Variants in SLIT1 observed in about 807,000 individuals in gnomAD.
SLIT1 encodes the protein slit guidance ligand 1.
SLIT1 carries 66 observed loss-of-function variants against 186.1 expected under a neutral mutation model. That is an observed-to-expected ratio of 0.35 (90% CI 0.29 to 0.44). The LOEUF (loss-of-function observed/expected upper bound fraction) is 0.44, where lower values mean the gene tolerates loss of function less well. SLIT1 is among the 20% of genes least tolerant of loss of function. The pLI, the probability that SLIT1 is intolerant of heterozygous loss-of-function variation, is 1.00. For synonymous variants in SLIT1, 761 were observed against 833.8 expected (o/e 0.91, Z 1.50); for missense variants, 1,638 against 2,037.4 (o/e 0.80, Z 3.77).
chr10:97,140,217 C>T (rs1415054325), intron 4 of SLIT1, among the ~76,000 whole-genome samples: 1 of 152,094 alleles, frequency 6.6e-6, no homozygotes, highest in Non-Finnish European at 1.5e-5. Flanking sequence ...GTTCCTCGTA[C>T]CAGCTTTTCC....
chr10:97,043,563 C>G lies in SLIT1; in HGVS notation c.1854-50G>C, dbSNP rs901544687. 6.4e-7 allele frequency: 1 copy of G among 1,567,066 alleles called. No individual in the cohort carries two copies. Among genetic ancestry groups the G allele is most frequent in the Non-Finnish European group, 8.7e-7 (1 of 1,145,032 alleles). On this transcript the variant is annotated intron_variant, in intron 18 of 36. Transcript: ENST00000266058. The surrounding 1 kb of genome is among the most constrained non-coding windows in gnomAD (Gnocchi z 7.0). Reference sequence around the variant, plus strand: ...AGGGGACCCTTGCTGCCCTGCCAGCCATCCACCTGGGCCACGCAGCTTCCG... The same window carrying G: ...AGGGGACCCTTGCTGCCCTGCCAGCGATCCACCTGGGCCACGCAGCTTCCG...
At chr10:97,041,673 T>C (rs1449985719) in intron 20 of SLIT1, among the ~76,000 whole-genome samples, 2 of 152,138 alleles carry the variant, frequency 1.3e-5, no homozygotes, top group Admixed American at 6.5e-5. Flanking sequence ...GGTTTCAGCA[T>C]GTTGGCCAGG....
chr10:97,001,277 C>G lies in SLIT1; in HGVS notation c.4440G>C (p.Thr1480=). 1 of 1,613,252 alleles carries G rather than the reference C, an allele frequency of 6.2e-7. No homozygotes were observed. Among genetic ancestry groups the G allele is most frequent in the African/African-American group, 1.3e-5 (1 of 75,048 alleles). Reference sequence around the variant, plus strand: ...GGCACTCCACCCATGACAGGGGGCGCGTGGTCTGGCAGATGGCATAGCCCC... The same window carrying G: ...GGCACTCCACCCATGACAGGGGGCGGGTGGTCTGGCAGATGGCATAGCCCC... ...VQRGYAICQT[T]RPLSWVECRG... is the part of the protein sequence containing the mutation. The change falls in exon 37 of 37, where the codon ACG becomes ACC. Residue 1480 remains threonine, a synonymous_variant. Transcript: ENST00000266058.
At chr10:97,033,929 A>G (rs1848614230) in intron 23 of SLIT1, among the ~76,000 whole-genome samples, 2 of 146,482 alleles carry the variant, frequency 1.4e-5, no homozygotes, top group Admixed American at 1.4e-4. Flanking sequence ...CAATGGCACG[A>G]TCTTGGCTCA....
At chr10:97,009,035 A>G (rs977819479) in intron 31 of SLIT1, among the ~76,000 whole-genome samples, 1 of 151,932 alleles carries the variant, frequency 6.6e-6, no homozygotes, top group Non-Finnish European at 1.5e-5. Context: ...GACTGCTGCC[A>G]TGCCTGGTTA....
At chr10:97,102,436 AAAGAAAG>A (rs1404165668) in intron 4 of SLIT1, 5 of 126,302 alleles carry the variant, frequency 4.0e-5, no homozygotes, top group Non-Finnish European at 6.5e-5. Context: ...AAAAAAAAAA[AAAGAAAG>A]AAAGAAAGAA....
intron 1 of SLIT1, among the ~76,000 whole-genome samples, chr10:97,171,981 T>C (rs2636797): frequency 0.73 from 111,485 of 151,778 alleles, 41,794 homozygotes; most frequent in Non-Finnish European, 0.82. Flanking sequence ...GCAAACCTTC[T>C]TATCACAGGC....
At chr10:97,040,514 G>A (rs992710787) in intron 20 of SLIT1, among the ~76,000 whole-genome samples, 5 of 152,168 alleles carry the variant, frequency 3.3e-5, no homozygotes, top group African/African-American at 9.7e-5. Context: ...TGAGGAGGAT[G>A]GAGACCTGGG....
At chr10:97,096,020 G>A (rs951394155) in intron 4 of SLIT1, among the ~76,000 whole-genome samples, 10 of 152,068 alleles carry the variant, frequency 6.6e-5, no homozygotes, top group African/African-American at 2.4e-4. Context: ...CTCACCTGGG[G>A]CTGTGCTTCC....
rs562014665 is a variant in SLIT1 at position 97,070,966 on chromosome 10, C to T, written c.414-4880G>A. ...TTCTGAGTAGCTGGGACTACAGATGCGCTGGGACTACAGATGCTCTACGGG... is the reference window on the plus strand; with the variant it reads ...TTCTGAGTAGCTGGGACTACAGATGTGCTGGGACTACAGATGCTCTACGGG... On this transcript the variant is annotated intron_variant, in intron 4 of 36. Transcript: ENST00000266058. Among the ~76,000 whole-genome samples the T allele has an allele frequency of 1.6e-4, 24 of 152,184 alleles. No homozygotes were observed. In the South Asian group the frequency reaches 4.2e-3, roughly 26 times the overall value.
At chr10:97,179,797 C>A (rs970387794) in intron 1 of SLIT1, among the ~76,000 whole-genome samples, 7 of 111,306 alleles carry the variant, frequency 6.3e-5, no homozygotes, top group Non-Finnish European at 1.3e-4. Context: ...ATTCTCCACA[C>A]CCTCCCCGCC....
chr10:97,135,328 G>C (rs1478910625), intron 4 of SLIT1, among the ~76,000 whole-genome samples: 1 of 152,120 alleles, frequency 6.6e-6, no homozygotes, highest in East Asian at 1.9e-4. Context: ...CACTCACTGC[G>C]CAACTCCATC....
At chr10:97,044,910 TG>T (rs750821706) in intron 18 of SLIT1, among the ~76,000 whole-genome samples, 1 of 152,216 alleles carries the variant, frequency 6.6e-6, no homozygotes, top group Non-Finnish European at 1.5e-5. Flanking sequence ...GGGATCAGGA[TG>T]GGGGTTCTTT....
rs553649288 is a variant in SLIT1 at position 97,021,147 on chromosome 10, G to C, written c.2746+103C>G. The stretch of plus-strand genomic sequence containing the variant: ...CCTTGTTCCTGTCCCCTGACCCCCC[G>C]CCCAGCGGTCACCACAGGGACGCAG... On this transcript the variant is annotated intron_variant, in intron 26 of 36. Transcript: ENST00000266058. This position sits in a 1 kb window ranked among gnomAD's most constrained non-coding sequence, Gnocchi z 4.5. The C allele has an allele frequency of 2.6e-6, 3 of 1,168,884 alleles. No homozygotes were observed. Among genetic ancestry groups the C allele is most frequent in the Non-Finnish European group, 2.4e-6 (2 of 836,314 alleles). The allele number at this position is 1,168,884 out of a possible 1,614,324, so 72.4% of individuals were successfully genotyped here. A position where few individuals can be genotyped will look rare whatever the true frequency, so the allele number is the denominator to read the frequency against.
intron 4 of SLIT1, among the ~76,000 whole-genome samples, chr10:97,128,712 T>A: frequency 6.6e-6 from 1 of 152,112 alleles, no homozygotes; most frequent in East Asian, 1.9e-4. Context: ...GTGACTGAGG[T>A]TTCTTGTTTG....
At chr10:97,013,277 G>A (rs187335475) in intron 30 of SLIT1, among the ~76,000 whole-genome samples, 18 of 152,240 alleles carry the variant, frequency 1.2e-4, no homozygotes, top group East Asian at 1.9e-4. Flanking sequence ...TACCAAATAC[G>A]TCCACCTCAG....
At chr10:97,048,708 C>T (rs1370775699) in intron 14 of SLIT1, among the ~76,000 whole-genome samples, 2 of 152,124 alleles carry the variant, frequency 1.3e-5, no homozygotes, top group African/African-American at 4.8e-5. Flanking sequence ...AGGCTGAATA[C>T]AGACAGACAA....
chr10:97,083,730 T>C (rs1849128731), intron 4 of SLIT1, among the ~76,000 whole-genome samples: 1 of 152,144 alleles, frequency 6.6e-6, no homozygotes, highest in Non-Finnish European at 1.5e-5. Flanking sequence ...CCTATGAGTG[T>C]CTCAGGAACT....
intron 4 of SLIT1, among the ~76,000 whole-genome samples, chr10:97,076,082 G>C (rs980882904): frequency 6.6e-6 from 1 of 152,126 alleles, no homozygotes. Flanking sequence ...CTGGTGGGGG[G>C]CAGGGACCAG....
Sources: allele counts gnomAD v4.1 joint callset (sites outside exome capture counted in the v4.1 genomes callset), GRCh38; gene constraint gnomAD v4.1.1; non-coding constraint Gnocchi (gnomAD v3.1); transcripts MANE v1.5; gene names NCBI Gene and HGNC (gene_info 2026-07-23, HGNC 2026-07-21).